MPV17: variants seen among roughly 807,000 people sequenced by gnomAD.
MPV17 encodes mitochondrial inner membrane protein MPV17.
In MPV17, 31 loss-of-function variants were observed where a neutral mutation model predicts 28.6. The ratio of observed to expected loss-of-function variants is 1.08; its 90% confidence interval spans 0.81 to 1.46. MPV17 has a LOEUF of 1.46. Ranked by LOEUF, MPV17 falls within the 40% of genes most tolerant of loss-of-function variation. MPV17 has a pLI of 0.00. For missense variants in MPV17, 198 were observed against 216.2 expected (o/e 0.92, Z 0.53); for synonymous variants, 87 against 85.3 (o/e 1.02, Z -0.11).
At chr2:27,311,522 T>G in intron 7 of MPV17, 2 of 1,409,408 alleles carry the variant, frequency 1.4e-6, no homozygotes, top group South Asian at 1.3e-5. Flanking sequence ...GCAACTGTCT[T>G]TATTGTGAGT....
chr2:27,313,293 C>A (rs2148216616), intron 2 of MPV17, 184 bp from the exon 3 acceptor site: 1 of 1,339,046 alleles, frequency 7.5e-7, no homozygotes, highest in Non-Finnish European at 1.0e-6. Context: ...ATGATGGTGA[C>A]ACCTCATGTG....
chr2:27,310,560 A>C (rs1679392885), intron 7 of MPV17, among the ~76,000 whole-genome samples: 3 of 152,122 alleles, frequency 2.0e-5, no homozygotes. Flanking sequence ...AAGGGCCCCT[A>C]TCTGGGCCCC....
intron 2 of MPV17, among the ~76,000 whole-genome samples, chr2:27,315,317 C>T (rs557761481): frequency 1.3e-5 from 2 of 152,276 alleles, no homozygotes; most frequent in South Asian, 2.1e-4. Flanking sequence ...TGCTCCCACC[C>T]GCACCCGGTT....
At chr2:27,313,457 A>C (rs1679537081) in intron 2 of MPV17, 2 of 556,640 alleles carry the variant, frequency 3.6e-6, no homozygotes, top group Non-Finnish European at 6.4e-6. Flanking sequence ...AAGGGGCTTT[A>C]AGATAATTTA....
In MPV17 at chr2:27,318,069, C is replaced by CT. The variant is rs746744519; in HGVS notation, c.70+4378dup. ...ATCCCATGAGGTCAATCTTTCTTTT[C>CT]TTTTTTTTTTTTTTTTTGAGACAGA... On this transcript the variant is annotated intron_variant, in intron 2 of 7. Transcript: ENST00000380044. 3.6e-3 allele frequency among the ~76,000 whole-genome samples: 493 copies of CT among 137,418 alleles called. 1 individual carries two copies. Among genetic ancestry groups the CT allele is most frequent in the African/African-American group, 5.6e-3 (212 of 38,096 alleles). 90.2% of individuals were successfully genotyped at this position (137,418 alleles called of 152,430 possible).
Position 27,317,019 on chromosome 2 carries a change from T to C in MPV17, c.71-3910A>G, listed in dbSNP as rs1191215990. On this transcript the variant is annotated intron_variant, in intron 2 of 7. Transcript: ENST00000380044. This position sits in a 1 kb window ranked among gnomAD's most constrained non-coding sequence, Gnocchi z 4.0. ...TGGAAAAGCCCCAACTTCCACACCCTCTTCCCGGGCATGGGCAGGGTAAAT... is the reference window on the plus strand; with the variant it reads ...TGGAAAAGCCCCAACTTCCACACCCCCTTCCCGGGCATGGGCAGGGTAAAT... The C allele has an allele frequency of 1.3e-5, 19 of 1,461,258 alleles. No individual in the cohort carries two copies. The highest frequency in any genetic ancestry group is 1.7e-5 in the Non-Finnish European group (19 of 1,086,712). 90.5% of individuals were successfully genotyped at this position (1,461,258 alleles called of 1,614,324 possible).
chr2:27,319,256 A>G (rs576639764), intron 2 of MPV17, among the ~76,000 whole-genome samples: 3 of 151,914 alleles, frequency 2.0e-5, no homozygotes, highest in Non-Finnish European at 4.4e-5. Context: ...CAAGGCTAAG[A>G]TAGTGATCCA....
rs1368765593 is a variant in MPV17, at chr2:27,309,870, A to G, written c.*42T>C. The G allele has an allele frequency of 6.4e-7, 1 of 1,555,922 alleles. No individual in the cohort carries two copies. Among genetic ancestry groups the G allele is most frequent in the East Asian group, 2.2e-5 (1 of 44,634 alleles). ...AGGTTGTCTGACCGTTCCAGGGTCAAGCTGCATCACTGCAAGGTGGAAACG... is the reference window on the plus strand; with the variant it reads ...AGGTTGTCTGACCGTTCCAGGGTCAGGCTGCATCACTGCAAGGTGGAAACG... On this transcript the variant is annotated 3_prime_UTR_variant, in exon 8 of 8. Coordinates refer to ENST00000380044, the MANE Select transcript of MPV17 (RefSeq NM_002437.5).
Position 27,309,974 on chromosome 2 carries a change from C to T in MPV17, c.469G>A (p.Val157Ile), listed in dbSNP as rs773077701. The T allele has an allele frequency of 4.1e-5, 66 of 1,613,280 alleles. No homozygotes were observed. The highest frequency in any genetic ancestry group is 4.7e-5 in the Non-Finnish European group (55 of 1,179,422). ...CAGATAACAGCAACACATTGGACAA[C>T]GGCCAACCTAAGGAACAGGAATAAC... ...YLVPLHYRLA[V>I]VQCVAVIWNS... Residue 157 changes from valine to isoleucine, a missense_variant, in exon 8 of 8, where the codon GTT (valine) becomes ATT (isoleucine). Val to Ile is a conservative substitution (Grantham distance 29). Transcript: ENST00000380044.
chr2:27,314,402 C>T (rs1679573004), intron 2 of MPV17, among the ~76,000 whole-genome samples: 1 of 152,144 alleles, frequency 6.6e-6, no homozygotes. Flanking sequence ...TGATAAGAGT[C>T]CCCACAACAA....
At chr2:27,314,649 T>C (rs1416168342) in intron 2 of MPV17, among the ~76,000 whole-genome samples, 1 of 152,144 alleles carries the variant, frequency 6.6e-6, no homozygotes, top group Non-Finnish European at 1.5e-5. Flanking sequence ...TATGGTGGTG[T>C]GATGGTTTCT....
At position 27,312,568 on chromosome 2, in the gene MPV17, GAA is replaced by G; in HGVS notation, c.299_300del (p.Phe100SerfsTer12). The G allele has an allele frequency of 6.2e-7, 1 of 1,614,102 alleles. No individual in the cohort carries two copies. Among genetic ancestry groups the G allele is most frequent in the Non-Finnish European group, 8.5e-7 (1 of 1,179,980 alleles). On this transcript the variant is annotated frameshift_variant, in exon 5 of 8. Coordinates refer to ENST00000380044, the MANE Select transcript of MPV17 (RefSeq NM_002437.5). LOFTEE classifies it high-confidence loss of function. ...CCTACCAGTGGGAGAAAGCAGCCTA[GAA>G]AACACGGGGCAAAGCCCCCCTAGGG... ...LLDQGGFAPC[F>X]LGCFLPLVGA... is the part of the protein sequence containing the mutation.
chr2:27,317,658 G>A lies in MPV17; in HGVS notation c.71-4549C>T, dbSNP rs1006092799. 3.9e-5 allele frequency among the ~76,000 whole-genome samples: 6 copies of A among 152,196 alleles called. No homozygotes were observed. The highest frequency in any genetic ancestry group is 1.4e-4 in the African/African-American group (6 of 41,456). ...AGCTCTCATACCCTGGCTTAATTCAGACTCCAGGGAAACCAGTATTTGTAA... is the reference window on the plus strand; with the variant it reads ...AGCTCTCATACCCTGGCTTAATTCAAACTCCAGGGAAACCAGTATTTGTAA... On this transcript the variant is annotated intron_variant, in intron 2 of 7. Transcript: ENST00000380044. This position sits in a 1 kb window ranked among gnomAD's most constrained non-coding sequence, Gnocchi z 4.0.
intron 5 of MPV17, 74 bp from the exon 6 acceptor site, chr2:27,312,320 A>C: frequency 6.5e-7 from 1 of 1,540,800 alleles, no homozygotes; most frequent in Middle Eastern, 1.7e-4. Context: ...TGAATGTCAC[A>C]CACAGACTTG....
In MPV17 at chr2:27,317,969, C is replaced by T. The variant is rs183435392; in HGVS notation, c.70+4479G>A. The stretch of plus-strand genomic sequence containing the variant: ...TACTGGATAGATTCTTGCTTCAGGC[C>T]TGTGCCACACCTGGGCCTTTGCTAT... On this transcript the variant is annotated intron_variant, in intron 2 of 7. Transcript: ENST00000380044. The surrounding 1 kb of genome is among the most constrained non-coding windows in gnomAD (Gnocchi z 4.0). Among the ~76,000 whole-genome samples the T allele has an allele frequency of 1.3e-5, 2 of 152,326 alleles. No homozygotes were observed. The highest frequency in any genetic ancestry group is 1.3e-4 in the Admixed American group (2 of 15,304).
intron 7 of MPV17, chr2:27,311,506 A>C: frequency 4.8e-6 from 6 of 1,240,486 alleles, no homozygotes; most frequent in Non-Finnish European, 6.8e-6. Flanking sequence ...TTTTGGGTGC[A>C]GTTCAGCAAC....
chr2:27,312,542 C>T lies in MPV17; in HGVS notation c.327G>A (p.Gly109=), dbSNP rs988733706. 3 of 1,614,040 alleles carry T rather than the reference C, an allele frequency of 1.9e-6. No homozygotes were observed. In the African/African-American group the frequency reaches 4.0e-5, roughly 22 times the overall value. ...CFLGCFLPLV[G]ALNGLSAQDN... ...CCTGGGCTGACAGTCCATTAAGTGC[C>T]CCTACCAGTGGGAGAAAGCAGCCTA... Residue 109 remains glycine (G), a synonymous_variant, in exon 5 of 8, where the codon GGG becomes GGA. Coordinates refer to ENST00000380044, the MANE Select transcript of MPV17 (RefSeq NM_002437.5).
chr2:27,312,876 T>G, intron 3 of MPV17, 104 bp from the exon 4 acceptor site: 2 of 1,537,712 alleles, frequency 1.3e-6, no homozygotes, highest in Non-Finnish European at 1.8e-6. Flanking sequence ...AAGTGGACAC[T>G]AAGAAAAAAG....
chr2:27,312,080 T>G, intron 6 of MPV17, 129 bp from the exon 7 acceptor site: 1 of 1,456,864 alleles, frequency 6.9e-7, no homozygotes, highest in Non-Finnish European at 9.6e-7. Flanking sequence ...GCTTCCCTAT[T>G]TATGGTGCCC....
Sources: allele counts gnomAD v4.1 joint callset (sites outside exome capture counted in the v4.1 genomes callset), GRCh38; gene constraint gnomAD v4.1.1; non-coding constraint Gnocchi (gnomAD v3.1); transcripts MANE v1.5; gene names NCBI Gene and HGNC (gene_info 2026-07-23, HGNC 2026-07-21).